The following TUT4 variants were observed in gnomAD, a reference collection of about 807,000 sequenced individuals.
TUT4 encodes terminal uridylyl transferase 4.
In TUT4, 36 loss-of-function variants were observed where a neutral mutation model predicts 192.2. The observed-to-expected ratio is 0.19, with a 90% CI of 0.14 to 0.25. The LOEUF is 0.25. Ranked by LOEUF, TUT4 falls within the 10% of genes least tolerant of loss-of-function variation. TUT4 has a pLI of 1.00. For synonymous variants in TUT4, 618 were observed against 666.0 expected, an observed-to-expected ratio of 0.93 and a Z score of 1.11; for missense variants, 1,493 against 1,957.2, an observed-to-expected ratio of 0.76 and a Z score of 4.47.
chr1:52,481,111 C>A (rs1204243919), intron 11 of TUT4, among the ~76,000 whole-genome samples: 1 of 152,118 alleles, frequency 6.6e-6, no homozygotes, highest in Non-Finnish European at 1.5e-5. Context: ...CAATTGGCAA[C>A]AAAATTCCCA....
intron 16 of TUT4, chr1:52,463,800 G>C (rs763280101): frequency 9.2e-6 from 12 of 1,303,782 alleles, no homozygotes; most frequent in African/African-American, 9.1e-5. Context: ...AAAGGAAAGC[G>C]TAAGTACCCA....
At chr1:52,462,279 G>C (rs576863716) in intron 16 of TUT4, 4 of 147,016 alleles carry the variant, frequency 2.7e-5, no homozygotes, top group Non-Finnish European at 5.9e-5. Context: ...TCTGCCTCCC[G>C]GGTTCATGCC....
At chr1:52,525,503 TA>T in intron 2 of TUT4, 59 bp downstream of exon 2, 1 of 1,527,580 alleles carries the variant, frequency 6.5e-7, no homozygotes, top group Non-Finnish European at 8.8e-7. Flanking sequence ...TTAAAATGGT[TA>T]AACCGGGGAT....
intron 1 of TUT4, among the ~76,000 whole-genome samples, chr1:52,550,291 G>A (rs941074667): frequency 2.0e-5 from 3 of 152,114 alleles, no homozygotes; most frequent in African/African-American, 4.8e-5. Context: ...AAAGTATGGT[G>A]TCCCTTTCCT....
intron 11 of TUT4, among the ~76,000 whole-genome samples, chr1:52,479,579 A>G (rs540502926): frequency 6.6e-6 from 1 of 152,346 alleles, no homozygotes; most frequent in East Asian, 1.9e-4. Flanking sequence ...CGAAAGGAAC[A>G]TCCTTTCAGT....
intron 22 of TUT4, 99 bp from the exon 23 acceptor site, chr1:52,446,103 G>T: frequency 7.5e-7 from 1 of 1,330,748 alleles, no homozygotes. Context: ...TATGTACTCA[G>T]ACTATACAAA....
intron 8 of TUT4, 109 bp from the exon 9 acceptor site, chr1:52,489,144 G>A (rs1407814764): frequency 3.1e-5 from 34 of 1,100,694 alleles, no homozygotes; most frequent in African/African-American, 8.1e-5. Flanking sequence ...ACATAGTACC[G>A]TAAAAGCCCT....
At chr1:52,457,811 T>C (rs1240946484) in intron 20 of TUT4, among the ~76,000 whole-genome samples, 1 of 152,210 alleles carries the variant, frequency 6.6e-6, no homozygotes, top group Admixed American at 6.5e-5. Flanking sequence ...TGAATGAGTA[T>C]AATCTGTTTC....
chr1:52,488,789 A>T lies in TUT4; in HGVS notation c.1515+120T>A. ...AACTTTCTGTCTAGCACAGAAAACT[A>T]CTTTCTCCCACATGTTATGATTGAT... On this transcript the variant is annotated intron_variant, in intron 9 of 29. Transcript: ENST00000257177. The T allele has an allele frequency of 3.6e-6, 4 of 1,105,736 alleles. No homozygotes were observed. The South Asian group carries it at 1.0e-4, about 28-fold the overall frequency. The allele number at this position is 1,105,736 out of a possible 1,614,324, so 68.5% of individuals were successfully genotyped here. A position where few individuals can be genotyped will look rare whatever the true frequency, so the allele number is the denominator to read the frequency against.
At chr1:52,530,205 G>A (rs1682982635) in intron 1 of TUT4, among the ~76,000 whole-genome samples, 1 of 145,314 alleles carries the variant, frequency 6.9e-6, no homozygotes, top group South Asian at 2.2e-4. Context: ...GTTGCAGTGA[G>A]CCGAGACCAC....
chr1:52,505,609 A>G (rs1283318168), intron 4 of TUT4, among the ~76,000 whole-genome samples: 1 of 151,602 alleles, frequency 6.6e-6, no homozygotes, highest in Admixed American at 6.6e-5. Flanking sequence ...TTTAGTGGAG[A>G]GGGGGTTTCG....
intron 11 of TUT4, among the ~76,000 whole-genome samples, chr1:52,479,821 C>A (rs867213386): frequency 4.0e-5 from 6 of 151,750 alleles, no homozygotes; most frequent in Admixed American, 2.6e-4. Flanking sequence ...GGTGAAACCC[C>A]ATCTCTACTA....
chr1:52,529,688 C>T (rs1159898112), intron 1 of TUT4: 1 of 152,054 alleles, frequency 6.6e-6, no homozygotes, highest in Non-Finnish European at 1.5e-5. Flanking sequence ...TATTCATCCA[C>T]TTAAAAAATA....
At chr1:52,472,599 T>C (rs1007795721) in intron 13 of TUT4, among the ~76,000 whole-genome samples, 1 of 151,246 alleles carries the variant, frequency 6.6e-6, no homozygotes, top group Non-Finnish European at 1.5e-5. Flanking sequence ...ATTTAATAAA[T>C]TATTAAACTA....
At chr1:52,489,624 G>A (rs1314383181) in intron 8 of TUT4, among the ~76,000 whole-genome samples, 1 of 152,196 alleles carries the variant, frequency 6.6e-6, no homozygotes, top group African/African-American at 2.4e-5. Flanking sequence ...GATGACAGAA[G>A]TGTAGTGAAG....
At chr1:52,532,129 C>T (rs992657321) in intron 1 of TUT4, among the ~76,000 whole-genome samples, 1 of 151,684 alleles carries the variant, frequency 6.6e-6, no homozygotes, top group Non-Finnish European at 1.5e-5. Flanking sequence ...CTGCCCGCCT[C>T]GGCCTCCCAA....
intron 19 of TUT4, among the ~76,000 whole-genome samples, chr1:52,459,852 A>AG (rs1000825360): frequency 6.6e-6 from 1 of 152,146 alleles, no homozygotes; most frequent in Admixed American, 6.5e-5. Flanking sequence ...ACTGCACGCC[A>AG]GCCTGGGTGA....
intron 28 of TUT4, 25 bp downstream of exon 28, chr1:52,430,988 A>G (rs1307247153): frequency 6.5e-7 from 1 of 1,529,626 alleles, no homozygotes; most frequent in Non-Finnish European, 8.8e-7. Flanking sequence ...ACATGCAGAT[A>G]AAAAAGAAGA....
At chr1:52,514,225 G>C (rs1678072373) in intron 3 of TUT4, among the ~76,000 whole-genome samples, 1 of 152,198 alleles carries the variant, frequency 6.6e-6, no homozygotes, top group Non-Finnish European at 1.5e-5. Context: ...TGGATCATTT[G>C]AGGTCAGGAG....
Sources: gnomAD v4.1 joint callset for allele counts (sites outside exome capture counted in the v4.1 genomes callset) on GRCh38, gnomAD v4.1.1 for gene constraint, MANE v1.5 for transcripts, NCBI Gene and HGNC (gene_info 2026-07-23, HGNC 2026-07-21) for gene names.